Variants in HERC1 observed in about 807,000 individuals in gnomAD.
HERC1 encodes the protein HECT and RLD domain containing E3 ubiquitin protein ligase family member 1.
Under a neutral mutation model 554.3 loss-of-function variants are expected in HERC1, and 160 were observed. That is an observed-to-expected ratio of 0.29 (90% confidence interval 0.25 to 0.33). HERC1 has a LOEUF of 0.33. Ranked by LOEUF, HERC1 falls within the 10% of genes least tolerant of loss-of-function variation. HERC1 has a pLI of 1.00. For missense variants in HERC1, 4,919 were observed against 5,918.5 expected, an observed-to-expected ratio of 0.83 and a Z score of 5.54; for synonymous variants, 2,175 against 2,131.7, an observed-to-expected ratio of 1.02 and a Z score of -0.56.
chr15:63,680,412 A>T lies in HERC1; in HGVS notation c.6465+125T>A, dbSNP rs2071417377. On this transcript the variant is annotated intron_variant, in intron 35 of 77. Coordinates refer to ENST00000443617, the MANE Select transcript of HERC1 (RefSeq NM_003922.4). This position sits in a 1 kb window ranked among gnomAD's most constrained non-coding sequence, Gnocchi z 5.8. ...TGTTAATAAATGTTTTAAGAACCAG[A>T]AAGTATTAGAGAGAAAGGAGAGACG... 9.3e-7 allele frequency: 1 copy of T among 1,070,674 alleles called. No homozygotes were observed. Among genetic ancestry groups the T allele is most frequent in the Non-Finnish European group, 1.3e-6 (1 of 764,872 alleles). 66.3% of individuals were successfully genotyped at this position (1,070,674 alleles called of 1,614,324 possible).
At chr15:63,703,608 C>T (rs2072846394) in intron 25 of HERC1, among the ~76,000 whole-genome samples, 2 of 152,066 alleles carry the variant, frequency 1.3e-5, no homozygotes, top group Non-Finnish European at 2.9e-5. Flanking sequence ...GAATTCTTGG[C>T]CAGGCACGGT....
chr15:63,681,800 G>A (rs536429717), intron 34 of HERC1, among the ~76,000 whole-genome samples: 1 of 152,260 alleles, frequency 6.6e-6, no homozygotes, highest in East Asian at 1.9e-4. Context: ...TCACACACAT[G>A]TTATTTTTCT....
At chr15:63,753,210 G>C in intron 7 of HERC1, 125 bp from the exon 8 acceptor site, 1 of 583,992 alleles carries the variant, frequency 1.7e-6, no homozygotes, top group Non-Finnish European at 2.6e-6. Context: ...GAAAAGCTAT[G>C]TTTCTGATAG....
chr15:63,773,230 G>A (rs1372848269), intron 2 of HERC1, among the ~76,000 whole-genome samples: 1 of 152,072 alleles, frequency 6.6e-6, no homozygotes, highest in East Asian at 1.9e-4. Context: ...ATCACCTGAG[G>A]TCAGGAGTTC....
At chr15:63,790,481 G>C (rs2076611736) in intron 1 of HERC1, among the ~76,000 whole-genome samples, 1 of 152,112 alleles carries the variant, frequency 6.6e-6, no homozygotes. Flanking sequence ...GGGAAGCTGA[G>C]GCAGGAGAAT....
rs773126033 is a variant in HERC1 at position 63,698,933 on chromosome 15, T to C, written c.4700A>G (p.Asp1567Gly). ...GGAATAGGAGGAGTTGCATAACCAG[T>C]CTCTGCTATGTTTCAGGCGAGCCCA... ...DSWARLKHSR[D>G]WLCNSSYSFE... is the part of the protein sequence containing the mutation. The change falls in exon 26 of 78, where the codon GAC becomes GGC. Residue 1567 changes from aspartate to glycine, a missense_variant. Asp to Gly is a moderately conservative substitution (Grantham distance 94, BLOSUM62 -1). Transcript: ENST00000443617. 2 of 1,613,826 alleles carry C rather than the reference T, an allele frequency of 1.2e-6. No individual in the cohort carries two copies. The highest frequency in any genetic ancestry group is 3.3e-5 in the Admixed American group (2 of 60,014).
chr15:63,707,472 T>A (rs908611798), intron 24 of HERC1, among the ~76,000 whole-genome samples: 1 of 152,124 alleles, frequency 6.6e-6, no homozygotes, highest in Non-Finnish European at 1.5e-5. Context: ...GTGTATCTGG[T>A]GGGGGGATGT....
intron 22 of HERC1, among the ~76,000 whole-genome samples, chr15:63,713,942 C>A (rs1444142893): frequency 6.6e-6 from 1 of 152,038 alleles, no homozygotes; most frequent in Non-Finnish European, 1.5e-5. Flanking sequence ...TGAATTGGAT[C>A]AGTTATTTTC....
chr15:63,777,073 T>A (rs1239481263), intron 1 of HERC1, among the ~76,000 whole-genome samples: 1 of 152,174 alleles, frequency 6.6e-6, no homozygotes, highest in East Asian at 1.9e-4. Flanking sequence ...TCACTTATAA[T>A]AGCTGGTAAT....
Position 63,768,242 on chromosome 15 carries a change from T to C in HERC1, c.931-4051A>G, listed in dbSNP as rs541832163. Among the ~76,000 whole-genome samples, 15 of 152,338 alleles carry C rather than the reference T, an allele frequency of 9.8e-5. No homozygotes were observed. In the South Asian group the frequency reaches 2.9e-3, roughly 29 times the overall value. ...TTTTAATTATTTAGGATGTTGCTTC[T>C]CAAATTTCAATGTTGACACGAATTA... On this transcript the variant is annotated intron_variant, in intron 2 of 77. Coordinates refer to ENST00000443617, the MANE Select transcript of HERC1 (RefSeq NM_003922.4).
intron 51 of HERC1, among the ~76,000 whole-genome samples, chr15:63,652,918 G>A (rs1219377920): frequency 6.6e-6 from 1 of 152,074 alleles, no homozygotes; most frequent in Non-Finnish European, 1.5e-5. Flanking sequence ...TCAAAATTCT[G>A]GGATTACAGG....
chr15:63,674,314 C>CAAAA, intron 38 of HERC1, 28 bp downstream of exon 38: 7 of 1,356,300 alleles, frequency 5.2e-6, no homozygotes, highest in African/African-American at 3.2e-5. Context: ...AGCACAAAAG[C>CAAAA]AAAAAAAAAA....
chr15:63,788,665 C>A (rs544458508), intron 1 of HERC1, among the ~76,000 whole-genome samples: 7 of 151,974 alleles, frequency 4.6e-5, no homozygotes, highest in African/African-American at 9.7e-5. Context: ...GCCTGCAATC[C>A]CAGCACTTTG....
At chr15:63,676,573 A>G (rs1376553118) in intron 37 of HERC1, among the ~76,000 whole-genome samples, 1 of 152,124 alleles carries the variant, frequency 6.6e-6, no homozygotes, top group Admixed American at 6.5e-5. Flanking sequence ...CCTGGGTAAC[A>G]TGGTGAAACC....
At position 63,748,262 on chromosome 15, in the gene HERC1, A is replaced by AT. The variant is rs571980665; in HGVS notation, c.2220-405dup. Among the ~76,000 whole-genome samples the AT allele has an allele frequency of 2.2e-3, 340 of 152,262 alleles. 2 individuals carry two copies. The highest frequency in any genetic ancestry group is 7.8e-3 in the African/African-American group (326 of 41,552). ...ATATACATATATACATTAAAGCTGA[A>AT]TGAGTTCAACAAGATACAAAGAAGA... On this transcript the variant is annotated intron_variant, in intron 10 of 77. Transcript: ENST00000443617.
chr15:63,831,743 C>A (rs557047093), intron 1 of HERC1, among the ~76,000 whole-genome samples: 4 of 152,122 alleles, frequency 2.6e-5, no homozygotes, highest in African/African-American at 9.7e-5. Context: ...TTATTATTTG[C>A]ACCCTCTACT....
Position 63,713,649 on chromosome 15 carries a change from G to T in HERC1, c.4167C>A (p.Phe1389Leu). The T allele has an allele frequency of 6.2e-7, 1 of 1,609,698 alleles. No individual in the cohort carries two copies. Among genetic ancestry groups the T allele is most frequent in the Non-Finnish European group, 8.5e-7 (1 of 1,177,714 alleles). The change falls in exon 23 of 78, where the codon TTC (phenylalanine) becomes TTA (leucine). Residue 1389 changes from phenylalanine (F) to leucine (L), a missense_variant. Physicochemically the swap from Phe to Leu is conservative, Grantham distance 22. This residue lies in a region of HERC1 where 1,121 missense variants were observed against 1,244.0 expected (regional missense o/e 0.90). Coordinates refer to ENST00000443617, the MANE Select transcript of HERC1 (RefSeq NM_003922.4). ...VMTAGKIFQCFLSAREVARSR... is the reference protein window; with the variant it reads ...VMTAGKIFQCLLSAREVARSR... ...TACGAGCTACTTCACGGGCTGAGAG[G>T]AAACACTGAAAGATTTCTGTAACAT... is the stretch of plus-strand genomic sequence containing the variant.
intron 70 of HERC1, among the ~76,000 whole-genome samples, chr15:63,627,759 T>A (rs556427342): frequency 6.6e-6 from 1 of 151,578 alleles, no homozygotes; most frequent in East Asian, 1.9e-4. Context: ...AACAGCTACA[T>A]CTGGAAGGAA....
intron 71 of HERC1, among the ~76,000 whole-genome samples, chr15:63,625,476 T>C (rs1424240347): frequency 2.0e-5 from 3 of 151,950 alleles, no homozygotes; most frequent in Non-Finnish European, 4.4e-5. Flanking sequence ...GGGGGATCAT[T>C]TGAGGTCAGG....
Sources: allele counts gnomAD v4.1 joint callset (sites outside exome capture counted in the v4.1 genomes callset), GRCh38; gene constraint gnomAD v4.1.1; regional missense constraint gnomAD v4.1.1; non-coding constraint Gnocchi (gnomAD v3.1); transcripts MANE v1.5; gene names NCBI Gene and HGNC (gene_info 2026-07-23, HGNC 2026-07-21).